The following IGSF9B variants were observed in gnomAD, a reference collection of about 807,000 sequenced individuals.
IGSF9B encodes the protein immunoglobulin superfamily member 9B, also known as protein turtle homolog B.
In IGSF9B, 48 loss-of-function variants were observed where a neutral mutation model predicts 143.7. The observed-to-expected ratio is 0.33, with a 90% CI of 0.26 to 0.42. The LOEUF is 0.42. IGSF9B is among the 20% of genes least tolerant of loss of function. The probability of loss-of-function intolerance (pLI) is 1.00; values close to 1 mark genes in which losing one functional copy is unlikely to be tolerated. For synonymous variants in IGSF9B, 903 were observed against 833.1 expected (o/e 1.08, Z -1.44); for missense variants, 1,706 against 1,980.0 (o/e 0.86, Z 2.63).
At chr11:133,940,496 C>T (rs1180032575) in intron 3 of IGSF9B, among the ~76,000 whole-genome samples, 1 of 142,264 alleles carries the variant, frequency 7.0e-6, no homozygotes, top group Non-Finnish European at 1.5e-5. Context: ...AAACATACAC[C>T]TTGCACATCC....
chr11:133,918,960 C>T (rs547713732), intron 18 of IGSF9B: 5 of 467,490 alleles, frequency 1.1e-5, no homozygotes, highest in African/African-American at 8.0e-5. Context: ...GGAGGAGGAG[C>T]GGGGACGGCA....
intron 18 of IGSF9B, chr11:133,919,127 G>T (rs1404646503): frequency 5.6e-6 from 2 of 355,288 alleles, no homozygotes; most frequent in East Asian, 1.1e-4. Context: ...ACGGGGGGGG[G>T]GTGGGGGACG....
At chr11:133,912,405 AG>A in intron 18 of IGSF9B, 1 of 459,172 alleles carries the variant, frequency 2.2e-6, no homozygotes. Flanking sequence ...GGAAAGTAAA[AG>A]GGCATATTAG....
At chr11:133,915,658 C>T (rs1040183772) in intron 18 of IGSF9B, among the ~76,000 whole-genome samples, 1 of 152,180 alleles carries the variant, frequency 6.6e-6, no homozygotes, top group Non-Finnish European at 1.5e-5. Context: ...AAAGATGCAG[C>T]CAGGTCAAAG....
rs538678093 is a variant in IGSF9B at position 133,898,775 on chromosome 11, A to G, written c.*10294T>C. On this transcript the variant is annotated 3_prime_UTR_variant, in exon 20 of 20. Transcript: ENST00000533871. ...CCATCCCATCAAGTACCTTCCTCCC[A>G]GTCCCTGGACTCTGAGACTCCACCC... is the stretch of plus-strand genomic sequence containing the variant. 6.6e-6 allele frequency: 1 copy of G among 152,438 alleles called. No individual in the cohort carries two copies. Among genetic ancestry groups the G allele is most frequent in the African/African-American group, 2.4e-5 (1 of 41,574 alleles). The allele number at this position is 152,438 out of a possible 1,614,324, so 9.4% of individuals were successfully genotyped here.
Position 133,909,079 on chromosome 11 carries a change from G to A in IGSF9B, c.4304C>T (p.Thr1435Ile). ...TAGAGTGGGGTGGAGTCACAGCAAAGTGGCATGTCCTGGGTCATCGTGGTC... is the reference window on the plus strand; with the variant it reads ...TAGAGTGGGGTGGAGTCACAGCAAAATGGCATGTCCTGGGTCATCGTGGTC... ...SVDHDDPGHA[T>I]LL The change falls in exon 20 of 20, where the codon ACT becomes ATT. Residue 1435 changes from threonine to isoleucine, a missense_variant. This residue lies in a region of IGSF9B where 12 missense variants were observed against 29.6 expected (regional missense o/e 0.41). Coordinates refer to ENST00000533871, the MANE Select transcript of IGSF9B (RefSeq NM_001277285.4). The surrounding 1 kb of genome is among the most constrained non-coding windows in gnomAD (Gnocchi z 4.2). The A allele has an allele frequency of 6.5e-7, 1 of 1,535,578 alleles. No individual in the cohort carries two copies. The highest frequency in any genetic ancestry group is 8.7e-7 in the Non-Finnish European group (1 of 1,146,450).
Position 133,937,798 on chromosome 11 carries a change from A to G in IGSF9B, c.561+12T>C. On this transcript the variant is annotated intron_variant, in intron 4 of 19. Coordinates refer to ENST00000533871, the MANE Select transcript of IGSF9B (RefSeq NM_001277285.4). Reference sequence around the variant, plus strand: ...AGAGACCGCAGCGGCCCCAACCTAGAACCACACTCACCTGGTATTTCCCAC... The same window carrying G: ...AGAGACCGCAGCGGCCCCAACCTAGGACCACACTCACCTGGTATTTCCCAC... 1 of 1,608,346 alleles carries G rather than the reference A, an allele frequency of 6.2e-7. No homozygotes were observed. Among genetic ancestry groups the G allele is most frequent in the Non-Finnish European group, 8.5e-7 (1 of 1,177,140 alleles).
At position 133,906,872 on chromosome 11, in the gene IGSF9B, C is replaced by A. The variant is rs1768807359; in HGVS notation, c.*2197G>T. The stretch of plus-strand genomic sequence containing the variant: ...AGGCTGCACGTCAGCTTGCGGTAAG[C>A]CCCCACCTCCCACCCCAACACCTCA... On this transcript the variant is annotated 3_prime_UTR_variant, in exon 20 of 20. Transcript: ENST00000533871. Among the ~76,000 whole-genome samples the A allele has an allele frequency of 6.6e-6, 1 of 152,156 alleles. No homozygotes were observed. Among genetic ancestry groups the A allele is most frequent in the Admixed American group, 6.5e-5 (1 of 15,284 alleles).
intron 7 of IGSF9B, among the ~76,000 whole-genome samples, chr11:133,934,231 G>A (rs936047106): frequency 6.6e-6 from 1 of 152,198 alleles, no homozygotes; most frequent in African/African-American, 2.4e-5. Flanking sequence ...GCTTCGAGGA[G>A]GGGCCTTCAT....
rs1324862020 is a variant in IGSF9B at position 133,897,265 on chromosome 11, C to T, written c.*11804G>A. Reference sequence around the variant, plus strand: ...TTCCCACACCGCCCCACTCCCAGAGCCAACCTGGGCCTCCCTTCAAGCTCG... The same window carrying T: ...TTCCCACACCGCCCCACTCCCAGAGTCAACCTGGGCCTCCCTTCAAGCTCG... On this transcript the variant is annotated 3_prime_UTR_variant, in exon 20 of 20. Transcript: ENST00000533871. 6.6e-6 allele frequency: 1 copy of T among 152,260 alleles called. No individual in the cohort carries two copies. The highest frequency in any genetic ancestry group is 1.5e-5 in the Non-Finnish European group (1 of 68,056). The allele number at this position is 152,260 out of a possible 1,614,324, so 9.4% of individuals were successfully genotyped here. A position where few individuals can be genotyped will look rare whatever the true frequency, so the allele number is the denominator to read the frequency against.
chr11:133,910,110 C>A lies in IGSF9B; in HGVS notation c.4106-833G>T, dbSNP rs571785436. Among the ~76,000 whole-genome samples, 4 of 152,248 alleles carry A rather than the reference C, an allele frequency of 2.6e-5. No individual in the cohort carries two copies. In the South Asian group the frequency reaches 8.3e-4, roughly 32 times the overall value. ...AAAAGAGTGAGGCAAGAAAGACAGG[C>A]AGGGCATCTAGGAGCTTGAAATCTG... On this transcript the variant is annotated intron_variant, in intron 19 of 19. Coordinates refer to ENST00000533871, the MANE Select transcript of IGSF9B (RefSeq NM_001277285.4).
At chr11:133,951,265 T>G (rs1248730857) in intron 1 of IGSF9B, among the ~76,000 whole-genome samples, 1 of 152,210 alleles carries the variant, frequency 6.6e-6, no homozygotes, top group African/African-American at 2.4e-5. Context: ...GACAGCCTTC[T>G]GCCTGCGGGA....
intron 17 of IGSF9B, among the ~76,000 whole-genome samples, chr11:133,921,971 T>C (rs562003453): frequency 6.6e-6 from 1 of 152,238 alleles, no homozygotes; most frequent in African/African-American, 2.4e-5. Flanking sequence ...TCTACCAGCG[T>C]GGACAACTTA....
intron 15 of IGSF9B, among the ~76,000 whole-genome samples, chr11:133,923,061 T>G (rs1939570707): frequency 1.3e-5 from 2 of 152,260 alleles, no homozygotes; most frequent in South Asian, 4.1e-4. Flanking sequence ...TCAGCTCTTC[T>G]CATGTTAACC....
chr11:133,940,852 G>A (rs1358453641), intron 3 of IGSF9B, among the ~76,000 whole-genome samples: 1 of 152,294 alleles, frequency 6.6e-6, no homozygotes, highest in Admixed American at 6.5e-5. Context: ...AAAAATAATG[G>A]CAAAAAGTTA....
rs1219995528 is a variant in IGSF9B, at chr11:133,909,000, C to T, written c.*69G>A. 8.3e-6 allele frequency: 11 copies of T among 1,326,406 alleles called. No homozygotes were observed. In the South Asian group the frequency reaches 1.0e-4, roughly 13 times the overall value. The allele number at this position is 1,326,406 out of a possible 1,614,324, so 82.2% of individuals were successfully genotyped here. On this transcript the variant is annotated 3_prime_UTR_variant, in exon 20 of 20. Transcript: ENST00000533871. ...CCTTGGCAGACGGAGGAGGACACAC[C>T]CCCACACAGTGGCCCTCCCTGCCTG...
chr11:133,946,370 T>C (rs996434500), intron 1 of IGSF9B, 112 bp from the exon 2 acceptor site: 7 of 846,262 alleles, frequency 8.3e-6, no homozygotes, highest in Admixed American at 2.1e-5. Context: ...CTGCCCTCCA[T>C]GGGCCACCGT....
intron 12 of IGSF9B, among the ~76,000 whole-genome samples, chr11:133,927,701 G>C (rs1939652836): frequency 6.6e-6 from 1 of 152,190 alleles, no homozygotes; most frequent in Non-Finnish European, 1.5e-5. Flanking sequence ...AGGAAGACGG[G>C]CCGAGGGTGT....
In IGSF9B at chr11:133,936,148, G is replaced by A. The variant is rs764563888; in HGVS notation, c.726C>T (p.Ile242=). 3.7e-6 allele frequency: 6 copies of A among 1,612,580 alleles called. No individual in the cohort carries two copies. Among genetic ancestry groups the A allele is most frequent in the Non-Finnish European group, 5.1e-6 (6 of 1,179,324 alleles). ...VSPPENITVN[I]SQDALLTCRA... The stretch of plus-strand genomic sequence containing the variant: ...GGCAGGTGAGCAGAGCATCCTGGGA[G>A]ATGTTGACGGTGATGTTCTCAGGAG... Residue 242 remains isoleucine (I), a synonymous_variant, in exon 6 of 20, where the codon ATC becomes ATT. Coordinates refer to ENST00000533871, the MANE Select transcript of IGSF9B (RefSeq NM_001277285.4).
Sources: allele counts gnomAD v4.1 joint callset (sites outside exome capture counted in the v4.1 genomes callset), GRCh38; gene constraint gnomAD v4.1.1; regional missense constraint gnomAD v4.1.1; non-coding constraint Gnocchi (gnomAD v3.1); transcripts MANE v1.5; gene names NCBI Gene and HGNC (gene_info 2026-07-23, HGNC 2026-07-21).